Variants in LRRC4C observed in about 807,000 individuals in gnomAD.
LRRC4C encodes leucine-rich repeat-containing protein 4C.
Under a neutral mutation model 33.6 loss-of-function variants are expected in LRRC4C, and 5 were observed. The ratio of observed to expected loss-of-function variants is 0.15; its 90% CI spans 0.08 to 0.31. LRRC4C has a LOEUF of 0.31. Among genes scored for constraint, LRRC4C ranks in the 10% least tolerant of loss-of-function variants. The pLI is 1.00. For missense variants in LRRC4C, 560 were observed against 796.7 expected (o/e 0.70, Z 3.58); for synonymous variants, 329 against 302.0 (o/e 1.09, Z -0.93).
chr11:40,524,911 C>T (rs148111232), intron 3 of LRRC4C, among the ~76,000 whole-genome samples: 1 of 152,214 alleles, frequency 6.6e-6, no homozygotes, highest in East Asian at 1.9e-4. Context: ...CGATTAGTTA[C>T]TACTATGGTA....
In LRRC4C at chr11:40,389,469, C is replaced by CAA. The variant is rs781592054; in HGVS notation, c.-269-69750_-269-69749dup. ...CTTCTAAATAATCTCATGTATGTCT[C>CAA]AAAAAAAAAAATAATCAAAAAACCA... On this transcript the variant is annotated intron_variant, in intron 3 of 6. Transcript: ENST00000528697. Among the ~76,000 whole-genome samples the CAA allele has an allele frequency of 1.7e-3, 105 of 60,188 alleles. 3 individuals carry two copies. The highest frequency in any genetic ancestry group is 3.5e-3 in the African/African-American group (91 of 26,012). 39.5% of individuals were successfully genotyped at this position (60,188 alleles called of 152,430 possible). A position where few individuals can be genotyped will look rare whatever the true frequency, so the allele number is the denominator to read the frequency against.
intron 2 of LRRC4C, among the ~76,000 whole-genome samples, chr11:40,779,443 A>G (rs1318364088): frequency 6.6e-6 from 1 of 152,152 alleles, no homozygotes. Context: ...TATATTGATT[A>G]ATTGAAATAT....
intron 1 of LRRC4C, among the ~76,000 whole-genome samples, chr11:40,941,377 A>G (rs1958137691): frequency 6.6e-6 from 1 of 152,066 alleles, no homozygotes; most frequent in Non-Finnish European, 1.5e-5. Flanking sequence ...TCTCACATAG[A>G]TTTTATGTTA....
At chr11:40,651,253 G>A (rs1407567932) in intron 2 of LRRC4C, among the ~76,000 whole-genome samples, 3 of 152,076 alleles carry the variant, frequency 2.0e-5, no homozygotes, top group Admixed American at 2.0e-4. Flanking sequence ...AGGATAATGT[G>A]TAAGTCTAGA....
intron 3 of LRRC4C, among the ~76,000 whole-genome samples, chr11:40,561,046 T>A (rs1184499467): frequency 6.6e-6 from 1 of 152,204 alleles, no homozygotes; most frequent in Non-Finnish European, 1.5e-5. Context: ...AGTTTGACAG[T>A]TTTATCTTCA....
intron 2 of LRRC4C, among the ~76,000 whole-genome samples, chr11:40,836,566 G>T (rs973653253): frequency 1.3e-5 from 2 of 152,090 alleles, no homozygotes; most frequent in Admixed American, 1.3e-4. Flanking sequence ...ATCCATTTCA[G>T]ATTTCTAAGC....
chr11:40,808,965 T>C (rs1183736772), intron 2 of LRRC4C, among the ~76,000 whole-genome samples: 1 of 152,154 alleles, frequency 6.6e-6, no homozygotes, highest in Non-Finnish European at 1.5e-5. Context: ...CTACCCAACC[T>C]CTCTCCCCTC....
intron 3 of LRRC4C, among the ~76,000 whole-genome samples, chr11:40,576,885 G>T (rs1315033868): frequency 6.6e-6 from 1 of 152,106 alleles, no homozygotes; most frequent in East Asian, 1.9e-4. Flanking sequence ...CTCATTAAAT[G>T]TTCATAAATT....
intron 2 of LRRC4C, among the ~76,000 whole-genome samples, chr11:40,915,281 C>T (rs1956900255): frequency 6.6e-6 from 1 of 152,142 alleles, no homozygotes; most frequent in African/African-American, 2.4e-5. Flanking sequence ...CATCACTCTA[C>T]CTGACTTCAA....
chr11:41,165,827 C>T (rs536799290), intron 1 of LRRC4C, among the ~76,000 whole-genome samples: 49 of 152,030 alleles, frequency 3.2e-4, no homozygotes, highest in South Asian at 1.5e-3. Flanking sequence ...GCCAGGAGTT[C>T]GAGACCAGAA....
chr11:41,037,978 C>A (rs1857198176), intron 1 of LRRC4C, among the ~76,000 whole-genome samples: 1 of 152,122 alleles, frequency 6.6e-6, no homozygotes, highest in African/African-American at 2.4e-5. Flanking sequence ...ATTCTTCAGT[C>A]AACACTGACG....
intron 1 of LRRC4C, among the ~76,000 whole-genome samples, chr11:40,994,117 A>T (rs1592286067): frequency 6.7e-6 from 1 of 149,502 alleles, no homozygotes; most frequent in Middle Eastern, 3.4e-3. Context: ...TTTGAAAACT[A>T]TTGATTTGCC....
intron 2 of LRRC4C, among the ~76,000 whole-genome samples, chr11:40,916,918 C>A (rs1319924825): frequency 6.6e-6 from 1 of 151,892 alleles, no homozygotes; most frequent in Non-Finnish European, 1.5e-5. Context: ...TTGCAATAGA[C>A]AAAATGCAGT....
rs535026058 is a variant in LRRC4C, at chr11:40,884,376, G to A, written c.-407+49259C>T. Among the ~76,000 whole-genome samples, 94 of 152,170 alleles carry A rather than the reference G, an allele frequency of 6.2e-4. 5 individuals carry two copies. In the South Asian group the frequency reaches 0.019, roughly 31 times the overall value. On this transcript the variant is annotated intron_variant, in intron 2 of 6. Coordinates refer to ENST00000528697, the MANE Select transcript of LRRC4C (RefSeq NM_001258419.2). ...GTAAATAGTGCTGCAATAAACATAT[G>A]TGTGCATGTTTATTTGTAGTAGAAT... is the stretch of plus-strand genomic sequence containing the variant.
intron 1 of LRRC4C, among the ~76,000 whole-genome samples, chr11:41,018,716 C>G (rs1179400966): frequency 6.6e-6 from 1 of 152,102 alleles, no homozygotes; most frequent in Non-Finnish European, 1.5e-5. Context: ...CTATTTTCAG[C>G]AAACTGCCAC....
At chr11:41,344,226 C>CTTTCT (rs1951729956) in intron 1 of LRRC4C, among the ~76,000 whole-genome samples, 1 of 118,438 alleles carries the variant, frequency 8.4e-6, no homozygotes, top group Non-Finnish European at 1.7e-5. Context: ...TGAAGCCTTT[C>CTTTCT]TTTTTTTTTT....
chr11:40,316,631 A>G (rs1196916296), intron 4 of LRRC4C, among the ~76,000 whole-genome samples: 2 of 152,012 alleles, frequency 1.3e-5, no homozygotes, highest in African/African-American at 2.4e-5. Context: ...TAGGCGTTTA[A>G]TAAACTTTCA....
Position 41,359,436 on chromosome 11 carries a change from TATG to T in LRRC4C, c.-496+99992_-496+99994del, listed in dbSNP as rs1484626319. The stretch of plus-strand genomic sequence containing the variant: ...TGGATATTGAGGGAGGCTACATAAA[TATG>T]AGGACAGGGGGTACATGGGACATCT... On this transcript the variant is annotated intron_variant, in intron 1 of 6. Transcript: ENST00000528697. Among the ~76,000 whole-genome samples, 3 of 145,928 alleles carry T rather than the reference TATG, an allele frequency of 2.1e-5. No homozygotes were observed. The Admixed American group carries it at 2.1e-4, about 10-fold the overall frequency.
intron 4 of LRRC4C, among the ~76,000 whole-genome samples, chr11:40,315,119 T>C (rs1417317469): frequency 6.6e-6 from 1 of 152,006 alleles, no homozygotes; most frequent in East Asian, 1.9e-4. Flanking sequence ...ATATATATTA[T>C]CTGTATTGCA....
Sources: allele counts gnomAD v4.1 joint callset (sites outside exome capture counted in the v4.1 genomes callset), GRCh38; gene constraint gnomAD v4.1.1; transcripts MANE v1.5; gene names NCBI Gene and HGNC (gene_info 2026-07-23, HGNC 2026-07-21).